NDRG1: variants seen among roughly 807,000 people sequenced by gnomAD.
The protein encoded by NDRG1 is protein NDRG1.
A neutral mutation model predicts 56.9 loss-of-function variants in NDRG1; 32 were observed. The ratio of observed to expected loss-of-function variants is 0.56; its 90% CI spans 0.42 to 0.76. NDRG1 has a LOEUF of 0.76. Among genes scored for constraint, NDRG1 ranks in the 30% least tolerant of loss-of-function variants. The probability of loss-of-function intolerance (pLI) is 0.00; values close to 1 mark genes in which losing one functional copy is unlikely to be tolerated. For missense variants in NDRG1, 507 were observed against 545.7 expected, an observed-to-expected ratio of 0.93 and a Z score of 0.71; for synonymous variants, 211 against 204.1, an observed-to-expected ratio of 1.03 and a Z score of -0.29.
chr8:133,246,553 G>C, intron 13 of NDRG1, 63 bp downstream of exon 13: 2 of 1,531,886 alleles, frequency 1.3e-6, no homozygotes, highest in Non-Finnish European at 1.8e-6. Context: ...ACTCAATGTT[G>C]CAGAAAACGT....
At chr8:133,283,169 AGACCCAACT>A (rs1275296833) in intron 2 of NDRG1, among the ~76,000 whole-genome samples, 1 of 152,236 alleles carries the variant, frequency 6.6e-6, no homozygotes, top group Non-Finnish European at 1.5e-5. Flanking sequence ...AACCTCCCTA[AGACCCAACT>A]TCCTCCTCTA....
chr8:133,292,684 G>T (rs1858494536), intron 1 of NDRG1, among the ~76,000 whole-genome samples: 1 of 152,210 alleles, frequency 6.6e-6, no homozygotes, highest in South Asian at 2.1e-4. Context: ...GTTCCGTGGG[G>T]GTGGGGCAGA....
intron 1 of NDRG1, among the ~76,000 whole-genome samples, chr8:133,286,012 A>T (rs1486815188): frequency 1.3e-5 from 2 of 152,150 alleles, no homozygotes; most frequent in Admixed American, 6.5e-5. Context: ...ATTTCACAGG[A>T]GCTTCTTAGC....
At chr8:133,290,052 C>T (rs1039944670) in intron 1 of NDRG1, among the ~76,000 whole-genome samples, 1 of 152,176 alleles carries the variant, frequency 6.6e-6, no homozygotes, top group African/African-American at 2.4e-5. Flanking sequence ...CCAGGCTCAG[C>T]TCTGGCCAGA....
In NDRG1 at chr8:133,237,972, G is replaced by A. The variant is rs905172438; in HGVS notation, c.*906C>T. 74 of 232,998 alleles carry A rather than the reference G, an allele frequency of 3.2e-4. 3 individuals are homozygous for A. Among genetic ancestry groups the A allele is most frequent in the Non-Finnish European group, 1.7e-5 (2 of 117,968 alleles). 14.4% of individuals were successfully genotyped at this position (232,998 alleles called of 1,614,324 possible). ...GGCCCCTGCAAGGACACTCATCACA[G>A]CCAGGGCAGCTGTGGAATGTTGCCC... On this transcript the variant is annotated 3_prime_UTR_variant, in exon 16 of 16. Transcript: ENST00000323851.
rs1857974705 is a variant in NDRG1 at position 133,284,242 on chromosome 8, C to T, written c.63+7G>A. 1.9e-6 allele frequency: 3 copies of T among 1,614,016 alleles called. No homozygotes were observed. The highest frequency in any genetic ancestry group is 1.7e-5 in the Admixed American group (1 of 60,012). On this transcript the variant is annotated splice_region_variant and intron_variant, in intron 2 of 15. Coordinates refer to ENST00000323851, the MANE Select transcript of NDRG1 (RefSeq NM_006096.4). ...GTGATGGGGTAGCCAGGAAGATCTC[C>T]ACTCACCTCCCCTTTCTCCACCAAA...
rs776126354 is a variant in NDRG1 at position 133,256,895 on chromosome 8, TC to T, written c.451-33del. On this transcript the variant is annotated intron_variant, in intron 7 of 15. Coordinates refer to ENST00000323851, the MANE Select transcript of NDRG1 (RefSeq NM_006096.4). Reference sequence around the variant, plus strand: ...TTCAAGACACAAAGTGAGACAGACATCCCAGCAATCTGAAACACTAGGAACT... The same window carrying T: ...TTCAAGACACAAAGTGAGACAGACATCCAGCAATCTGAAACACTAGGAACT... The T allele has an allele frequency of 3.8e-6, 6 of 1,595,072 alleles. No individual in the cohort carries two copies. In the Admixed American group the frequency reaches 8.4e-5, roughly 22 times the overall value.
intron 2 of NDRG1, among the ~76,000 whole-genome samples, chr8:133,280,481 T>A (rs11785491): frequency 6.6e-6 from 1 of 151,260 alleles, no homozygotes; most frequent in Non-Finnish European, 1.5e-5. Context: ...TAGAGTACAG[T>A]GGTGTGATCG....
Position 133,238,054 on chromosome 8 carries a change from T to C in NDRG1, c.*824A>G. ...TGATCTTCTCCCTGAACAAGAATAA[T>C]CACTGGCTCATGTATCAGGGGTGGG... On this transcript the variant is annotated 3_prime_UTR_variant, in exon 16 of 16. Coordinates refer to ENST00000323851, the MANE Select transcript of NDRG1 (RefSeq NM_006096.4). The C allele has an allele frequency of 4.3e-6, 1 of 233,086 alleles. No homozygotes were observed. Among genetic ancestry groups the C allele is most frequent in the Middle Eastern group, 1.3e-3 (1 of 784 alleles). The allele number at this position is 233,086 out of a possible 1,614,324, so 14.4% of individuals were successfully genotyped here.
chr8:133,253,290 C>T (rs1223740222), intron 9 of NDRG1, among the ~76,000 whole-genome samples: 1 of 152,232 alleles, frequency 6.6e-6, no homozygotes, highest in African/African-American at 2.4e-5. Flanking sequence ...AGCAGCTCAT[C>T]TCAGAGCCAG....
At chr8:133,252,093 T>A (rs146304408) in intron 9 of NDRG1, among the ~76,000 whole-genome samples, 109 of 152,228 alleles carry the variant, frequency 7.2e-4, no homozygotes, top group African/African-American at 2.6e-3. Context: ...ACACTTTTGT[T>A]TTCCTTTTTC....
At chr8:133,256,930 C>T in intron 7 of NDRG1, 67 bp from the exon 8 acceptor site, 1 of 1,472,836 alleles carries the variant, frequency 6.8e-7, no homozygotes. Context: ...CTTTCCAAGG[C>T]AAACCAAAGC....
intron 10 of NDRG1, 80 bp downstream of exon 10, chr8:133,250,343 GCTCATTTTATACTCTCC>G: frequency 8.8e-7 from 1 of 1,134,970 alleles, no homozygotes; most frequent in Non-Finnish European, 1.3e-6. Flanking sequence ...TGCCTCTTCC[GCTCATTTTATACTCTCC>G]CTCTCATCTG....
intron 3 of NDRG1, among the ~76,000 whole-genome samples, chr8:133,273,114 C>T (rs1857277206): frequency 6.6e-6 from 1 of 152,116 alleles, no homozygotes; most frequent in Non-Finnish European, 1.5e-5. Flanking sequence ...CACCACTCCA[C>T]ACGGAGGCCC....
At chr8:133,293,325 C>T (rs981252993) in intron 1 of NDRG1, among the ~76,000 whole-genome samples, 4 of 152,190 alleles carry the variant, frequency 2.6e-5, no homozygotes, top group Admixed American at 6.5e-5. Context: ...GGAACAACAG[C>T]CTGGGGTGGA....
chr8:133,292,884 C>T (rs1586505850), intron 1 of NDRG1, among the ~76,000 whole-genome samples: 1 of 152,236 alleles, frequency 6.6e-6, no homozygotes, highest in African/African-American at 2.4e-5. Context: ...TCTACCAGCT[C>T]AGTTGCAAGA....
At chr8:133,242,098 T>A in intron 14 of NDRG1, 24 bp from the exon 15 acceptor site, 1 of 1,613,988 alleles carries the variant, frequency 6.2e-7, no homozygotes, top group Non-Finnish European at 8.5e-7. Flanking sequence ...GGAGAGAAAA[T>A]GCAGTCAGTT....
At chr8:133,265,784 C>T (rs1159257074) in intron 3 of NDRG1, among the ~76,000 whole-genome samples, 1 of 152,250 alleles carries the variant, frequency 6.6e-6, no homozygotes, top group Non-Finnish European at 1.5e-5. Flanking sequence ...CATCTAAACT[C>T]CTGCAGAGGG....
At chr8:133,255,239 C>T (rs1435884444) in intron 8 of NDRG1, 2 of 455,638 alleles carry the variant, frequency 4.4e-6, no homozygotes, top group Non-Finnish European at 8.8e-6. Flanking sequence ...CTGCCACAGC[C>T]TAGCTGTGTG....
Sources: allele counts gnomAD v4.1 joint callset (sites outside exome capture counted in the v4.1 genomes callset), GRCh38; gene constraint gnomAD v4.1.1; transcripts MANE v1.5; gene names NCBI Gene and HGNC (gene_info 2026-07-23, HGNC 2026-07-21).